GPR17: variants seen among roughly 807,000 people sequenced by gnomAD.
The protein encoded by GPR17 is G protein-coupled receptor 17, also known as uracil nucleotide/cysteinyl leukotriene receptor.
Under a neutral mutation model 1.5 loss-of-function variants are expected in GPR17, and 4 were observed. The ratio of observed to expected loss-of-function variants is 2.73; its 90% CI spans 1.35 to 6.25. The LOEUF (loss-of-function observed/expected upper bound fraction) is 6.25, where lower values mean the gene tolerates loss of function less well. Among genes scored for constraint, GPR17 ranks in the 30% most tolerant of loss-of-function variants. GPR17 has a pLI of 0.00. For synonymous variants in GPR17, 209 were observed against 207.6 expected, an observed-to-expected ratio of 1.01 and a Z score of -0.06; for missense variants, 463 against 462.1, an observed-to-expected ratio of 1.00 and a Z score of -0.02.
intron 1 of GPR17, chr2:127,648,280 T>A (rs1161035860): frequency 1.2e-6 from 1 of 806,356 alleles, no homozygotes; most frequent in East Asian, 1.3e-4. Context: ...GGGGGCAATC[T>A]TTTCAGGTAG....
chr2:127,650,971 C>T lies in GPR17; in HGVS notation c.236C>T (p.Ser79Leu), dbSNP rs543677636. The T allele has an allele frequency of 3.3e-5, 53 of 1,613,712 alleles. No individual in the cohort carries two copies. The highest frequency in any genetic ancestry group is 3.6e-5 in the Non-Finnish European group (43 of 1,180,044). Residue 79 changes from serine (S) to leucine (L), a missense_variant, in exon 2 of 2, where the codon TCG becomes TTG. By Grantham distance (145) the Ser-to-Leu change is moderately radical. Coordinates refer to ENST00000486700, the MANE Select transcript of GPR17 (RefSeq NM_001161417.2). Reference protein sequence around the residue: ...FLMHLAVADLSCVLVLPTRLV... With the variant: ...FLMHLAVADLLCVLVLPTRLV... ...ATGCATCTGGCCGTGGCCGACTTGT[C>T]GTGCGTGCTGGTCCTGCCCACCCGC...
At position 127,651,155 on chromosome 2, in the gene GPR17, C is replaced by T; in HGVS notation, c.420C>T (p.Leu140=). Residue 140 remains leucine (L), a synonymous_variant, in exon 2 of 2, where the codon CTC becomes CTT. Coordinates refer to ENST00000486700, the MANE Select transcript of GPR17 (RefSeq NM_001161417.2). The part of the protein sequence containing the change: ...FLAIVHPVKS[L]KLRRPLYAHL... Reference sequence around the variant, plus strand: ...CCATTGTGCACCCGGTCAAGTCCCTCAAGCTCCGCAGGCCCCTCTACGCAC... The same window carrying T: ...CCATTGTGCACCCGGTCAAGTCCCTTAAGCTCCGCAGGCCCCTCTACGCAC... 6.2e-7 allele frequency: 1 copy of T among 1,613,040 alleles called. No homozygotes were observed. The highest frequency in any genetic ancestry group is 8.5e-7 in the Non-Finnish European group (1 of 1,180,008).
chr2:127,652,128 T>G lies in GPR17; in HGVS notation c.*373T>G, dbSNP rs566056901. ...TCGGCGAGGCTCAGCAGAAAGACCC[T>G]GAAGGCAGGCTGCAAATGACCCAGA... On this transcript the variant is annotated 3_prime_UTR_variant, in exon 2 of 2. Transcript: ENST00000486700. The G allele has an allele frequency of 1.0e-3, 284 of 271,366 alleles. 1 individual carries two copies. The highest frequency in any genetic ancestry group is 3.4e-3 in the Admixed American group (68 of 20,168). The allele number at this position is 271,366 out of a possible 1,614,324, so 16.8% of individuals were successfully genotyped here. A position where few individuals can be genotyped will look rare whatever the true frequency, so the allele number is the denominator to read the frequency against.
Position 127,649,446 on chromosome 2 carries a change from G to A in GPR17, c.-20-1270G>A, listed in dbSNP as rs566387858. ...GATGGTGGATACTGGGAAGCCAGGT[G>A]CCCAGAGGAGCCCCAGAAGCTGTGC... On this transcript the variant is annotated intron_variant, in intron 1 of 1. Transcript: ENST00000486700. 1.6e-3 allele frequency among the ~76,000 whole-genome samples: 251 copies of A among 152,356 alleles called. 3 individuals are homozygous for A. Among genetic ancestry groups the A allele is most frequent in the African/African-American group, 5.7e-3 (237 of 41,590 alleles).
chr2:127,649,985 T>A (rs1305577702), intron 1 of GPR17: 1 of 1,597,438 alleles, frequency 6.3e-7, no homozygotes, highest in South Asian at 1.1e-5. Context: ...AGGCTTCTCC[T>A]AAACACAGGT....
In GPR17 at chr2:127,651,446, C is replaced by A; in HGVS notation, c.711C>A (p.Ile237=). ...TCAAGACCAAGGCAGTGCGCATGAT[C>A]GCCATAGTGCTGGCCATCTTCCTGG... is the stretch of plus-strand genomic sequence containing the variant. ...KRLKTKAVRM[I]AIVLAIFLVC... The change falls in exon 2 of 2, where the codon ATC becomes ATA. Residue 237 remains isoleucine, a synonymous_variant. Transcript: ENST00000486700. 5 of 1,612,900 alleles carry A rather than the reference C, an allele frequency of 3.1e-6. No individual in the cohort carries two copies. Among genetic ancestry groups the A allele is most frequent in the Non-Finnish European group, 4.2e-6 (5 of 1,180,040 alleles).
At chr2:127,649,914 C>A in intron 1 of GPR17, 1 of 987,156 alleles carries the variant, frequency 1.0e-6, no homozygotes, top group Non-Finnish European at 1.5e-6. Flanking sequence ...AGATGCTGCC[C>A]CCTGGTGGTG....
chr2:127,648,927 AAAAAAAG>A (rs1159633539), intron 1 of GPR17, among the ~76,000 whole-genome samples: 1 of 112,466 alleles, frequency 8.9e-6, no homozygotes, highest in African/African-American at 3.5e-5. Context: ...AAAGAGAAAG[AAAAAAAG>A]AAAAAAGAGA....
Position 127,651,744 on chromosome 2 carries a change from T to C in GPR17, c.1009T>C (p.Ser337Pro). The change falls in exon 2 of 2, where the codon TCA becomes CCA. Residue 337 changes from serine (S) to proline (P), a missense_variant. By Grantham distance (74) the Ser-to-Pro change is moderately conservative. Coordinates refer to ENST00000486700, the MANE Select transcript of GPR17 (RefSeq NM_001161417.2). ...KTNESSLSAK[S>P]EL is the part of the protein sequence containing the mutation. ...CAACGAGAGCTCGCTGAGTGCCAAG[T>C]CAGAGCTGTGAGCGGGGGGCGCCGT... is the stretch of plus-strand genomic sequence containing the variant. The C allele has an allele frequency of 6.2e-7, 1 of 1,611,654 alleles. No individual in the cohort carries two copies. Among genetic ancestry groups the C allele is most frequent in the Non-Finnish European group, 8.5e-7 (1 of 1,179,004 alleles).
Position 127,649,885 on chromosome 2 carries a change from G to C in GPR17, c.-20-831G>C, listed in dbSNP as rs529443239. 4 of 759,470 alleles carry C rather than the reference G, an allele frequency of 5.3e-6. No homozygotes were observed. The African/African-American group carries it at 7.0e-5, about 13-fold the overall frequency. The allele number at this position is 759,470 out of a possible 1,614,324, so 47.0% of individuals were successfully genotyped here. On this transcript the variant is annotated intron_variant, in intron 1 of 1. Transcript: ENST00000486700. Reference sequence around the variant, plus strand: ...AGTGTCTCTGACGCTGGGTAAAATGGGTCTTCCCCTCCTGGAAGAGATGCT... The same window carrying C: ...AGTGTCTCTGACGCTGGGTAAAATGCGTCTTCCCCTCCTGGAAGAGATGCT...
At chr2:127,649,063 G>A (rs1188456458) in intron 1 of GPR17, among the ~76,000 whole-genome samples, 2 of 122,670 alleles carry the variant, frequency 1.6e-5, no homozygotes, top group African/African-American at 5.9e-5. Context: ...AAGAAAGGAA[G>A]GAAGGAAGGA....
rs1307917293 is a variant in GPR17 at position 127,651,364 on chromosome 2, C to T, written c.629C>T (p.Thr210Ile). 4 of 1,612,436 alleles carry T rather than the reference C, an allele frequency of 2.5e-6. No homozygotes were observed. The highest frequency in any genetic ancestry group is 3.4e-6 in the Non-Finnish European group (4 of 1,180,054). The change falls in exon 2 of 2, where the codon ACC (threonine) becomes ATC (isoleucine). Residue 210 changes from threonine (T) to isoleucine (I), a missense_variant. Thr to Ile is a moderately conservative substitution (Grantham distance 89, BLOSUM62 -1). Transcript: ENST00000486700. ...AFTFPFITTV[T>I]CYLLIIRSLR... ...ACCTTCCCGTTCATCACCACGGTCA[C>T]CTGCTACCTGCTGATCATCCGCAGC...
chr2:127,651,908 T>C lies in GPR17; in HGVS notation c.*153T>C, dbSNP rs1253204733. ...CTCTAGATCGCCTAGTCTCAACCCA[T>C]AAAAAGGAAGAACTGACAAAGGGGA... On this transcript the variant is annotated 3_prime_UTR_variant, in exon 2 of 2. Coordinates refer to ENST00000486700, the MANE Select transcript of GPR17 (RefSeq NM_001161417.2). 5 of 718,222 alleles carry C rather than the reference T, an allele frequency of 7.0e-6. No individual in the cohort carries two copies. Among genetic ancestry groups the C allele is most frequent in the Non-Finnish European group, 1.2e-5 (5 of 431,208 alleles). The allele number at this position is 718,222 out of a possible 1,614,324, so 44.5% of individuals were successfully genotyped here. A position where few individuals can be genotyped will look rare whatever the true frequency, so the allele number is the denominator to read the frequency against.
In GPR17 at chr2:127,651,169, C is replaced by T. The variant is rs1368566676; in HGVS notation, c.434C>T (p.Pro145Leu). ...HPVKSLKLRR[P>L]LYAHLACAFL... is the part of the protein sequence containing the mutation. ...GTCAAGTCCCTCAAGCTCCGCAGGC[C>T]CCTCTACGCACACCTGGCCTGTGCC... The change falls in exon 2 of 2, where the codon CCC becomes CTC. Residue 145 changes from proline to leucine, a missense_variant. Coordinates refer to ENST00000486700, the MANE Select transcript of GPR17 (RefSeq NM_001161417.2). 2 of 1,612,686 alleles carry T rather than the reference C, an allele frequency of 1.2e-6. No individual in the cohort carries two copies. Among genetic ancestry groups the T allele is most frequent in the Non-Finnish European group, 1.7e-6 (2 of 1,179,966 alleles).
Position 127,647,382 on chromosome 2 carries a change from G to C in GPR17, c.-21+1138G>C, listed in dbSNP as rs1573775206. 1.3e-5 allele frequency among the ~76,000 whole-genome samples: 2 copies of C among 152,094 alleles called. No individual in the cohort carries two copies. Among genetic ancestry groups the C allele is most frequent in the Admixed American group, 1.3e-4 (2 of 15,286 alleles). On this transcript the variant is annotated intron_variant, in intron 1 of 1. Transcript: ENST00000486700. The surrounding 1 kb of genome is among the most constrained non-coding windows in gnomAD (Gnocchi z 4.3). The stretch of plus-strand genomic sequence containing the variant: ...CCAGCTCCAGGGCCAATGTCCCCTG[G>C]TCAAGTGACCTAAGACAAGTTAGCA...
chr2:127,650,488 G>T, intron 1 of GPR17: 1 of 566,630 alleles, frequency 1.8e-6, no homozygotes, highest in Non-Finnish European at 3.1e-6. Flanking sequence ...GCATAGCGGC[G>T]AAATTCCAAG....
rs1243337284 is a variant in GPR17 at position 127,646,175 on chromosome 2, A to T, written c.-90A>T. 6.6e-6 allele frequency: 1 copy of T among 152,086 alleles called. No individual in the cohort carries two copies. Among genetic ancestry groups the T allele is most frequent in the Non-Finnish European group, 1.5e-5 (1 of 68,158 alleles). The allele number at this position is 152,086 out of a possible 1,614,324, so 9.4% of individuals were successfully genotyped here. ...GGCAAGGAGCCCCCTGCCACCACCG[A>T]CACCCACGGGCGGAGATCACCTGCT... On this transcript the variant is annotated 5_prime_UTR_variant, in exon 1 of 2. Coordinates refer to ENST00000486700, the MANE Select transcript of GPR17 (RefSeq NM_001161417.2).
intron 1 of GPR17, chr2:127,646,677 A>G (rs933067693): frequency 2.0e-5 from 3 of 152,554 alleles, no homozygotes; most frequent in Non-Finnish European, 2.9e-5. Flanking sequence ...ACAGAGGCCT[A>G]TGACCTGTCC....
At chr2:127,648,454 C>A (rs1361084965) in intron 1 of GPR17, among the ~76,000 whole-genome samples, 1 of 152,192 alleles carries the variant, frequency 6.6e-6, no homozygotes, top group Non-Finnish European at 1.5e-5. Context: ...TGCGGCCCAC[C>A]CTTCCCTAGG....
Sources: allele counts gnomAD v4.1 joint callset (sites outside exome capture counted in the v4.1 genomes callset), GRCh38; gene constraint gnomAD v4.1.1; non-coding constraint Gnocchi (gnomAD v3.1); transcripts MANE v1.5; gene names NCBI Gene and HGNC (gene_info 2026-07-23, HGNC 2026-07-21).